NFYC: variants seen among roughly 807,000 people sequenced by gnomAD.
NFYC encodes nuclear transcription factor Y subunit gamma, also known as CAAT box DNA-binding protein subunit C.
NFYC carries 25 observed loss-of-function variants against 53.1 expected under a neutral mutation model. The observed-to-expected ratio is 0.47, with a 90% CI of 0.34 to 0.66. The LOEUF (loss-of-function observed/expected upper bound fraction) is 0.66, where lower values mean the gene tolerates loss of function less well. NFYC is among the 30% of genes least tolerant of loss of function. NFYC has a pLI of 0.01. For synonymous variants in NFYC, 145 were observed against 152.6 expected (o/e 0.95, Z 0.37); for missense variants, 260 against 422.7 (o/e 0.62, Z 3.38).
At chr1:40,769,786 T>C (rs1646995400) in intron 9 of NFYC, among the ~76,000 whole-genome samples, 1 of 152,198 alleles carries the variant, frequency 6.6e-6, no homozygotes, top group South Asian at 2.1e-4. Context: ...GCCATGATGC[T>C]GTTTTAATAG....
chr1:40,699,491 A>C (rs965510553), intron 1 of NFYC, among the ~76,000 whole-genome samples: 8 of 152,222 alleles, frequency 5.3e-5, no homozygotes, highest in Non-Finnish European at 1.2e-4. Flanking sequence ...CTGTTTTAAA[A>C]ATTATTACTG....
At chr1:40,708,002 AC>A (rs1012272633) in intron 1 of NFYC, among the ~76,000 whole-genome samples, 2 of 152,202 alleles carry the variant, frequency 1.3e-5, no homozygotes, top group African/African-American at 4.8e-5. Context: ...GATTTAACCA[AC>A]CATGGGTCAA....
intron 1 of NFYC, among the ~76,000 whole-genome samples, chr1:40,697,531 C>A (rs912226239): frequency 6.6e-6 from 1 of 152,116 alleles, no homozygotes. Context: ...GTAATGATTG[C>A]GATGCGATGA....
intron 4 of NFYC, 32 bp downstream of exon 4, chr1:40,749,718 G>A: frequency 6.4e-7 from 1 of 1,563,320 alleles, no homozygotes; most frequent in Non-Finnish European, 8.8e-7. Flanking sequence ...AGGAAAACTG[G>A]GGTAAGCAGC....
intron 2 of NFYC, among the ~76,000 whole-genome samples, chr1:40,742,242 A>G (rs906644406): frequency 3.3e-5 from 5 of 150,578 alleles, no homozygotes; most frequent in Non-Finnish European, 7.4e-5. Context: ...GCAGAATCAT[A>G]CCCTGTTGTA....
chr1:40,758,565 GA>G lies in NFYC; in HGVS notation c.561+280del, dbSNP rs202205924. 249 of 328,796 alleles carry G rather than the reference GA, an allele frequency of 7.6e-4. 1 individual carries two copies. The highest frequency in any genetic ancestry group is 2.4e-3 in the Middle Eastern group (3 of 1,274). The allele number at this position is 328,796 out of a possible 1,614,324, so 20.4% of individuals were successfully genotyped here. A position where few individuals can be genotyped will look rare whatever the true frequency, so the allele number is the denominator to read the frequency against. ...CTATTAGCTCAGAAATTTTAGAAGG[GA>G]AAAAAAAATGTCTGAAATGCCTTAT... On this transcript the variant is annotated intron_variant, in intron 6 of 9. Transcript: ENST00000447388.
Position 40,771,331 on chromosome 1 carries a change from C to G in NFYC, c.*503C>G. 2.4e-6 allele frequency: 1 copy of G among 412,412 alleles called. No homozygotes were observed. Among genetic ancestry groups the G allele is most frequent in the South Asian group, 1.8e-5 (1 of 56,300 alleles). 25.5% of individuals were successfully genotyped at this position (412,412 alleles called of 1,614,324 possible). On this transcript the variant is annotated 3_prime_UTR_variant, in exon 10 of 10. Transcript: ENST00000447388. ...GTGTAGCTGCTTTTTCACTCGTGGT[C>G]CTCTCCCCATCCCTTGCTCTGACCC...
chr1:40,719,554 A>C (rs768655870), intron 1 of NFYC, among the ~76,000 whole-genome samples: 3 of 152,182 alleles, frequency 2.0e-5, no homozygotes, highest in African/African-American at 4.8e-5. Context: ...CTTTGATGCA[A>C]CTGCAGTTTA....
At chr1:40,764,413 T>C (rs1646714671) in intron 7 of NFYC, among the ~76,000 whole-genome samples, 1 of 152,212 alleles carries the variant, frequency 6.6e-6, no homozygotes, top group African/African-American at 2.4e-5. Flanking sequence ...CACGTGTGCT[T>C]ACGATACCCA....
chr1:40,737,614 C>T (rs942828681), intron 1 of NFYC, among the ~76,000 whole-genome samples: 10 of 152,096 alleles, frequency 6.6e-5, no homozygotes, highest in Non-Finnish European at 1.3e-4. Flanking sequence ...CAGGCATGAG[C>T]CACCGCACCT....
chr1:40,718,331 C>CT (rs2148480958), intron 1 of NFYC, among the ~76,000 whole-genome samples: 1 of 152,300 alleles, frequency 6.6e-6, no homozygotes, highest in Non-Finnish European at 1.5e-5. Flanking sequence ...GTGACAAAGG[C>CT]TTTTGCTCTT....
chr1:40,692,547 C>T (rs1307343029), intron 1 of NFYC, among the ~76,000 whole-genome samples: 1 of 151,966 alleles, frequency 6.6e-6, no homozygotes, highest in Non-Finnish European at 1.5e-5. Flanking sequence ...TGGAAGTGGC[C>T]CTGAAGTCCA....
chr1:40,735,645 C>T, intron 1 of NFYC: 1 of 985,414 alleles, frequency 1.0e-6, no homozygotes, highest in Non-Finnish European at 1.2e-6. Flanking sequence ...AGCAAGTGTA[C>T]AGAGATATCG....
At chr1:40,708,136 A>G (rs1643809328) in intron 1 of NFYC, among the ~76,000 whole-genome samples, 1 of 152,208 alleles carries the variant, frequency 6.6e-6, no homozygotes, top group African/African-American at 2.4e-5. Context: ...GGTATTATAC[A>G]TAACCTAGCG....
intron 1 of NFYC, among the ~76,000 whole-genome samples, chr1:40,710,887 T>G (rs1643908073): frequency 1.3e-5 from 2 of 152,184 alleles, no homozygotes; most frequent in African/African-American, 2.4e-5. Context: ...AGGACAAAGT[T>G]TGTTTATACA....
intron 1 of NFYC, among the ~76,000 whole-genome samples, chr1:40,692,703 C>T (rs1642898332): frequency 2.6e-5 from 4 of 152,038 alleles, no homozygotes; most frequent in Non-Finnish European, 4.4e-5. Context: ...GTCAACGGAC[C>T]TGGGATGTGA....
rs145113974 is a variant in NFYC, at chr1:40,766,637, C to G, written c.762C>G (p.Ala254=). The G allele has an allele frequency of 3.1e-6, 5 of 1,614,012 alleles. No individual in the cohort carries two copies. The African/African-American group carries it at 5.3e-5, about 17-fold the overall frequency. Residue 254 remains alanine, a synonymous_variant, in exon 8 of 10, where the codon GCC becomes GCG. Transcript: ENST00000447388. ...NAGQLQYIRL[A]QPVSGTQVVQ... is the part of the protein sequence containing the mutation. ...GCCAGCTGCAGTATATCCGCTTAGC[C>G]CAGCCTGTATCAGGCACTCAAGTTG...
chr1:40,757,073 C>T (rs1024225053), intron 5 of NFYC, among the ~76,000 whole-genome samples: 3 of 152,202 alleles, frequency 2.0e-5, no homozygotes, highest in Non-Finnish European at 2.9e-5. Flanking sequence ...GTGTCTTTTC[C>T]TCTTTTCTGG....
chr1:40,745,349 G>A (rs548851653), intron 2 of NFYC, among the ~76,000 whole-genome samples: 14 of 152,186 alleles, frequency 9.2e-5, no homozygotes, highest in African/African-American at 2.4e-4. Flanking sequence ...TATTAGCCTG[G>A]GAGGTTTTCC....
Sources: allele counts gnomAD v4.1 joint callset (sites outside exome capture counted in the v4.1 genomes callset), GRCh38; gene constraint gnomAD v4.1.1; transcripts MANE v1.5; gene names NCBI Gene and HGNC (gene_info 2026-07-23, HGNC 2026-07-21).